The following SPAG9 variants were observed in gnomAD, a reference collection of about 807,000 sequenced individuals.
SPAG9 encodes C-Jun-amino-terminal kinase-interacting protein 4.
Under a neutral mutation model 166.5 loss-of-function variants are expected in SPAG9, and 35 were observed. The ratio of observed to expected loss-of-function variants is 0.21; its 90% CI spans 0.16 to 0.28. The LOEUF is 0.28. Among genes scored for constraint, SPAG9 ranks in the 10% least tolerant of loss-of-function variants. The probability of loss-of-function intolerance (pLI) is 1.00; values close to 1 mark genes in which losing one functional copy is unlikely to be tolerated. For missense variants in SPAG9, 1,235 were observed against 1,603.3 expected (o/e 0.77, Z 3.92); for synonymous variants, 534 against 565.5 (o/e 0.94, Z 0.79).
At chr17:51,011,409 G>A (rs1434148108) in intron 9 of SPAG9, among the ~76,000 whole-genome samples, 1 of 148,876 alleles carries the variant, frequency 6.7e-6, no homozygotes, top group South Asian at 2.1e-4. Flanking sequence ...TTGAGACGGA[G>A]TTTTGCTTTG....
intron 5 of SPAG9, among the ~76,000 whole-genome samples, chr17:51,032,433 G>A (rs2046416755): frequency 6.6e-6 from 1 of 151,852 alleles, no homozygotes; most frequent in African/African-American, 2.4e-5. Flanking sequence ...CAAAGTGCTG[G>A]GATTACAGGC....
intron 18 of SPAG9, 120 bp from the exon 19 acceptor site, chr17:50,994,055 G>C: frequency 1.0e-6 from 1 of 966,746 alleles, no homozygotes; most frequent in Non-Finnish European, 1.5e-6. Context: ...TATTTGGAAG[G>C]GTAAAAATAC....
chr17:51,030,062 C>A (rs533292077), intron 6 of SPAG9, among the ~76,000 whole-genome samples: 1 of 152,188 alleles, frequency 6.6e-6, no homozygotes, highest in African/African-American at 2.4e-5. Flanking sequence ...GTCTTTGTGC[C>A]ATTTTCTTAT....
chr17:51,035,878 T>G (rs1261777046), intron 5 of SPAG9, among the ~76,000 whole-genome samples: 3 of 152,220 alleles, frequency 2.0e-5, no homozygotes, highest in Non-Finnish European at 4.4e-5. Context: ...AGTACATATG[T>G]ATACACATGC....
Position 51,092,611 on chromosome 17 carries a change from A to G in SPAG9, c.304-12907T>C, listed in dbSNP as rs116492851. On this transcript the variant is annotated intron_variant, in intron 1 of 29. Transcript: ENST00000262013. ...GATATAGTCTTTGGTCTGCCTTAAT[A>G]TTATGGTGAAAAATTGGTTTGGCCA... 3.5e-3 allele frequency among the ~76,000 whole-genome samples: 534 copies of G among 152,130 alleles called. 2 individuals carry two copies. The highest frequency in any genetic ancestry group is 0.012 in the African/African-American group (513 of 41,522).
At chr17:51,010,858 GA>G (rs371310333) in intron 9 of SPAG9, among the ~76,000 whole-genome samples, 1 of 152,036 alleles carries the variant, frequency 6.6e-6, no homozygotes, top group Non-Finnish European at 1.5e-5. Context: ...TTGGGCTCTA[GA>G]AAAAGATCTG....
At chr17:50,976,908 A>G (rs1039386365) in intron 27 of SPAG9, 200 bp downstream of exon 27, 2 of 438,046 alleles carry the variant, frequency 4.6e-6, no homozygotes, top group Admixed American at 4.0e-5. Flanking sequence ...TGACAACGAA[A>G]AACTTTTAAT....
chr17:51,096,915 T>C (rs2048664735), intron 1 of SPAG9, among the ~76,000 whole-genome samples: 1 of 152,236 alleles, frequency 6.6e-6, no homozygotes, highest in East Asian at 1.9e-4. Flanking sequence ...TGTATGTTAA[T>C]GGGTAGATTC....
chr17:51,002,085 A>G (rs991740865), intron 12 of SPAG9, among the ~76,000 whole-genome samples: 3 of 152,168 alleles, frequency 2.0e-5, no homozygotes, highest in African/African-American at 7.2e-5. Flanking sequence ...GTGAAATCAT[A>G]GCTCACTGCA....
intron 27 of SPAG9, chr17:50,975,814 T>G (rs1267896415): frequency 7.1e-6 from 10 of 1,400,104 alleles, no homozygotes; most frequent in Non-Finnish European, 6.8e-6. Flanking sequence ...AGCCTTACAG[T>G]GGCTATTAGA....
At chr17:51,046,659 ATGGCGCTG>A (rs1568037554) in intron 4 of SPAG9, 1 of 1,535,552 alleles carries the variant, frequency 6.5e-7, no homozygotes, top group Non-Finnish European at 8.7e-7. Context: ...TCCAGGACTC[ATGGCGCTG>A]TGCTGGCATG....
chr17:51,053,510 C>A (rs142823801), intron 3 of SPAG9, among the ~76,000 whole-genome samples: 430 of 152,134 alleles, frequency 2.8e-3, no homozygotes, highest in African/African-American at 0.01. Context: ...CACGGGAAAA[C>A]CCCACCTCTA....
intron 22 of SPAG9, 142 bp downstream of exon 22, chr17:50,986,970 A>G: frequency 4.2e-6 from 3 of 722,736 alleles, no homozygotes; most frequent in Non-Finnish European, 6.6e-6. Context: ...TAGTTGCAAC[A>G]TAACATCAAA....
chr17:51,079,631 G>C lies in SPAG9; in HGVS notation c.377C>G (p.Ser126Cys), dbSNP rs1434039910. The change falls in exon 2 of 30, where the codon TCT becomes TGT. Residue 126 changes from serine to cysteine, a missense_variant. This residue lies in a region of SPAG9 where 288 missense variants were observed against 323.7 expected (regional missense o/e 0.89). Transcript: ENST00000262013. Reference protein sequence around the residue: ...DLQTRVESLESQTRQLELKAK... With the variant: ...DLQTRVESLECQTRQLELKAK... ...TTTCAGCTCAAGTTGTCTTGTTTGA[G>C]ATTCTAAAGATTCCACTCGGGTCTG... 1 of 1,613,222 alleles carries C rather than the reference G, an allele frequency of 6.2e-7. No individual in the cohort carries two copies. The highest frequency in any genetic ancestry group is 8.5e-7 in the Non-Finnish European group (1 of 1,179,282).
intron 21 of SPAG9, among the ~76,000 whole-genome samples, chr17:50,987,515 T>C (rs1209457828): frequency 6.7e-6 from 1 of 149,444 alleles, no homozygotes; most frequent in Non-Finnish European, 1.5e-5. Flanking sequence ...CTTCAACTTT[T>C]AGTCAAAAAA....
Position 51,120,299 on chromosome 17 carries a change from C to T in SPAG9, c.303+55G>A. 3 of 1,407,152 alleles carry T rather than the reference C, an allele frequency of 2.1e-6. No individual in the cohort carries two copies. Among genetic ancestry groups the T allele is most frequent in the Non-Finnish European group, 2.8e-6 (3 of 1,066,940 alleles). The allele number at this position is 1,407,152 out of a possible 1,614,324, so 87.2% of individuals were successfully genotyped here. The stretch of plus-strand genomic sequence containing the variant: ...AGTCCCCGACCGGGCCGCGACCCCG[C>T]CCCGGCCGCCCCCGGAGACGGATCC... On this transcript the variant is annotated intron_variant, in intron 1 of 29. Transcript: ENST00000262013. This position sits in a 1 kb window ranked among gnomAD's most constrained non-coding sequence, Gnocchi z 4.7.
intron 1 of SPAG9, among the ~76,000 whole-genome samples, chr17:51,109,005 G>A (rs757380930): frequency 1.3e-5 from 2 of 151,564 alleles, no homozygotes; most frequent in Non-Finnish European, 2.9e-5. Flanking sequence ...TGGGATTACA[G>A]ACGTGCACCA....
chr17:50,981,924 T>C (rs2143727399), intron 25 of SPAG9, among the ~76,000 whole-genome samples: 1 of 151,704 alleles, frequency 6.6e-6, no homozygotes, highest in Admixed American at 6.6e-5. Context: ...TCCCAGCTAC[T>C]TTGGAGGCTG....
At chr17:50,968,765 T>C (rs1273763855) in intron 29 of SPAG9, among the ~76,000 whole-genome samples, 2 of 151,872 alleles carry the variant, frequency 1.3e-5, no homozygotes, top group Admixed American at 1.3e-4. Context: ...TAAATAAACA[T>C]ATTTGTACAG....
Sources: allele counts gnomAD v4.1 joint callset (sites outside exome capture counted in the v4.1 genomes callset), GRCh38; gene constraint gnomAD v4.1.1; regional missense constraint gnomAD v4.1.1; non-coding constraint Gnocchi (gnomAD v3.1); transcripts MANE v1.5; gene names NCBI Gene and HGNC (gene_info 2026-07-23, HGNC 2026-07-21).